Variants in ZNF254 observed in about 807,000 individuals in gnomAD.
The protein encoded by ZNF254 is zinc finger protein 254.
A neutral mutation model predicts 12.4 loss-of-function variants in ZNF254; 10 were observed. That is an observed-to-expected ratio of 0.80 (90% CI 0.50 to 1.36). The LOEUF (loss-of-function observed/expected upper bound fraction) is 1.36, where lower values mean the gene tolerates loss of function less well. ZNF254 is among the 40% of genes most tolerant of loss of function. The pLI is 0.00. For missense variants in ZNF254, 996 were observed against 763.9 expected (o/e 1.30, Z -3.58); for synonymous variants, 305 against 253.4 (o/e 1.20, Z -1.93).
At position 24,129,309 on chromosome 19, in the gene ZNF254, GC is replaced by G. The variant is rs949254681; in HGVS notation, c.*1330del. 1 of 151,910 alleles carries G rather than the reference GC, an allele frequency of 6.6e-6. No homozygotes were observed. The highest frequency in any genetic ancestry group is 1.5e-5 in the Non-Finnish European group (1 of 67,900). 9.4% of individuals were successfully genotyped at this position (151,910 alleles called of 1,614,324 possible). On this transcript the variant is annotated 3_prime_UTR_variant, in exon 4 of 4. Transcript: ENST00000357002. ...AAATTATAAATTATGTGTGAACTTA[GC>G]TTTTCAATTCAACATTTTTAACATA...
chr19:24,120,689 G>T (rs185624208), intron 3 of ZNF254, among the ~76,000 whole-genome samples: 2 of 152,022 alleles, frequency 1.3e-5, no homozygotes, highest in Middle Eastern at 3.4e-3. Context: ...TTGAGATGGA[G>T]TCTTGCTCTG....
chr19:24,114,912 A>C (rs1323895699), intron 3 of ZNF254, among the ~76,000 whole-genome samples: 3 of 152,252 alleles, frequency 2.0e-5, no homozygotes, highest in Non-Finnish European at 2.9e-5. Flanking sequence ...CAGCCAAAAA[A>C]CACATGAAAA....
At chr19:24,106,706 C>T in intron 3 of ZNF254, 63 bp downstream of exon 3, 1 of 1,358,782 alleles carries the variant, frequency 7.4e-7, no homozygotes. Context: ...AAGAAAGCCA[C>T]TCTTTAAAGT....
At chr19:24,099,954 C>G (rs1456581211) in intron 1 of ZNF254, among the ~76,000 whole-genome samples, 1 of 152,110 alleles carries the variant, frequency 6.6e-6, no homozygotes, top group African/African-American at 2.4e-5. Flanking sequence ...AAGGTGCCAA[C>G]CAAGCTTTAT....
intron 3 of ZNF254, among the ~76,000 whole-genome samples, chr19:24,125,791 C>A (rs1012483926): frequency 2.0e-5 from 3 of 152,180 alleles, no homozygotes; most frequent in Non-Finnish European, 4.4e-5. Context: ...CCAAAATATA[C>A]CACCATTTCT....
intron 1 of ZNF254, 117 bp from the exon 2 acceptor site, chr19:24,105,823 T>G: frequency 6.9e-7 from 1 of 1,442,512 alleles, no homozygotes; most frequent in Non-Finnish European, 9.3e-7. Flanking sequence ...ATTGGATAAT[T>G]TCAATCACTC....
At chr19:24,079,534 C>T (rs1157169227) in intron 2 of ZNF254, 2 of 152,226 alleles carry the variant, frequency 1.3e-5, no homozygotes, top group African/African-American at 4.8e-5. Context: ...CCCCTTTTCT[C>T]TGTCTGGTTT....
chr19:24,043,535 T>A (rs1156449553), intron 1 of ZNF254, among the ~76,000 whole-genome samples: 1 of 152,212 alleles, frequency 6.6e-6, no homozygotes, highest in East Asian at 1.9e-4. Context: ...GTGCTGGGAT[T>A]ACAGGCATGA....
At chr19:24,126,208 G>A (rs1261490624) in intron 3 of ZNF254, 46 bp from the exon 4 acceptor site, 1 of 1,261,606 alleles carries the variant, frequency 7.9e-7, no homozygotes, top group Admixed American at 3.3e-5. Context: ...ATATTCATGT[G>A]AGTCTAGTAA....
chr19:24,110,022 C>G (rs1455941987), intron 3 of ZNF254, among the ~76,000 whole-genome samples: 1 of 151,968 alleles, frequency 6.6e-6, no homozygotes, highest in Non-Finnish European at 1.5e-5. Context: ...AGCCACCGTA[C>G]CCGGCCTCTT....
intron 3 of ZNF254, among the ~76,000 whole-genome samples, chr19:24,124,442 C>G (rs927212917): frequency 6.6e-6 from 1 of 152,150 alleles, no homozygotes; most frequent in Admixed American, 6.5e-5. Context: ...CCCAGAAAAT[C>G]ATGTATTTTT....
upstream of ZNF254, among the ~76,000 whole-genome samples, chr19:24,084,443 T>C (rs1971954680): frequency 6.6e-6 from 1 of 151,852 alleles, no homozygotes; most frequent in Non-Finnish European, 1.5e-5. Flanking sequence ...AGACTACATA[T>C]TGGGTACAGT....
chr19:24,090,304 G>C (rs143071035), intron 1 of ZNF254, among the ~76,000 whole-genome samples: 5 of 152,008 alleles, frequency 3.3e-5, no homozygotes, highest in Non-Finnish European at 7.3e-5. Flanking sequence ...AGAGTCTCCT[G>C]AGAGGGGGTT....
At chr19:24,107,284 T>C in intron 3 of ZNF254, 1 of 602,910 alleles carries the variant, frequency 1.7e-6, no homozygotes, top group Non-Finnish European at 2.9e-6. Flanking sequence ...AATCTACAGG[T>C]CACTTTGGAT....
chr19:24,105,857 TTACTC>T (rs1973307528), intron 1 of ZNF254, 78 bp from the exon 2 acceptor site: 1 of 1,530,872 alleles, frequency 6.5e-7, no homozygotes, highest in Non-Finnish European at 8.9e-7. Context: ...CCAGTTCTAT[TTACTC>T]TAATTTTACC....
intron 2 of ZNF254, among the ~76,000 whole-genome samples, chr19:24,061,511 C>G (rs2145409646): frequency 6.6e-6 from 1 of 152,328 alleles, no homozygotes; most frequent in East Asian, 1.9e-4. Flanking sequence ...GGTGATATGT[C>G]TCTCCTGCAT....
At chr19:24,083,531 A>G (rs1001786879), upstream of ZNF254, among the ~76,000 whole-genome samples, 1 of 152,184 alleles carries the variant, frequency 6.6e-6, no homozygotes, top group Non-Finnish European at 1.5e-5. Flanking sequence ...AAATAAACTC[A>G]AGATGGATCA....
intron 3 of ZNF254, among the ~76,000 whole-genome samples, chr19:24,113,857 G>T (rs1019279337): frequency 3.3e-5 from 5 of 152,148 alleles, no homozygotes; most frequent in African/African-American, 1.2e-4. Context: ...CAAAATCAAT[G>T]TACAACAATC....
intron 2 of ZNF254, among the ~76,000 whole-genome samples, chr19:24,055,762 C>G (rs16999778): frequency 2.1e-4 from 32 of 152,220 alleles, no homozygotes; most frequent in African/African-American, 7.7e-4. Context: ...ATTCAGCATG[C>G]GTATGAGGCT....
Sources: gnomAD v4.1 joint callset for allele counts (sites outside exome capture counted in the v4.1 genomes callset) on GRCh38, gnomAD v4.1.1 for gene constraint, MANE v1.5 for transcripts, NCBI Gene and HGNC (gene_info 2026-07-23, HGNC 2026-07-21) for gene names.